Variants in CADM4 observed in about 807,000 individuals in gnomAD.
The protein encoded by CADM4 is cell adhesion molecule 4, also known as TSLC1-like 2.
CADM4 carries 13 observed loss-of-function variants against 43.9 expected under a neutral mutation model. The ratio of observed to expected loss-of-function variants is 0.30; its 90% CI spans 0.19 to 0.47. The LOEUF is 0.47. Among genes scored for constraint, CADM4 ranks in the 20% least tolerant of loss-of-function variants. The probability of loss-of-function intolerance (pLI) is 1.00; values close to 1 mark genes in which losing one functional copy is unlikely to be tolerated. For synonymous variants in CADM4, 209 were observed against 220.9 expected (o/e 0.95, Z 0.48); for missense variants, 420 against 527.0 (o/e 0.80, Z 1.99).
At chr19:43,639,118 T>G (rs1973738032) in intron 1 of CADM4, among the ~76,000 whole-genome samples, 1 of 142,928 alleles carries the variant, frequency 7.0e-6, no homozygotes, top group Non-Finnish European at 1.5e-5. Flanking sequence ...AAAACAAGGG[T>G]GACAGCGAGA....
In CADM4 at chr19:43,626,067, G is replaced by A. The variant is rs1973520696; in HGVS notation, c.664+57C>T. On this transcript the variant is annotated intron_variant, in intron 5 of 8. Transcript: ENST00000222374. The surrounding 1 kb of genome is among the most constrained non-coding windows in gnomAD (Gnocchi z 5.9). ...ATCACGCAGGACAAGGGGGACCCTC[G>A]CGGGTGCGGGTGGCTGGCGTTGGGA... The A allele has an allele frequency of 6.2e-7, 1 of 1,611,700 alleles. No individual in the cohort carries two copies. The highest frequency in any genetic ancestry group is 1.3e-5 in the African/African-American group (1 of 74,856).
chr19:43,631,357 A>T (rs529375736), intron 1 of CADM4, among the ~76,000 whole-genome samples: 124 of 152,100 alleles, frequency 8.2e-4, no homozygotes, highest in African/African-American at 2.9e-3. Flanking sequence ...GAAAAAAAAA[A>T]AAGAAATAAA....
chr19:43,633,664 C>CTCTTTCTCTCTCTCTT (rs1555777269), intron 1 of CADM4, among the ~76,000 whole-genome samples: 1 of 148,344 alleles, frequency 6.7e-6, no homozygotes, highest in Non-Finnish European at 1.5e-5. Context: ...CTTTCTCTCT[C>CTCTTTCTCTCTCTCTT]TCTTTCTTTC....
chr19:43,637,324 G>A (rs1050344693), intron 1 of CADM4, among the ~76,000 whole-genome samples: 2 of 152,104 alleles, frequency 1.3e-5, no homozygotes, highest in Admixed American at 6.6e-5. Context: ...CCTAAAATGT[G>A]GTAGCCAAGG....
At chr19:43,637,005 A>G (rs928071527) in intron 1 of CADM4, among the ~76,000 whole-genome samples, 1 of 151,932 alleles carries the variant, frequency 6.6e-6, no homozygotes. Context: ...TTTGTATTGG[A>G]TATCTGTTTC....
chr19:43,630,288 T>TC (rs1973601162), intron 1 of CADM4, among the ~76,000 whole-genome samples: 1 of 137,520 alleles, frequency 7.3e-6, no homozygotes, highest in African/African-American at 2.9e-5. Context: ...TTTCTTTTTT[T>TC]TTTTTTTTTT....
upstream of CADM4, among the ~76,000 whole-genome samples, chr19:43,641,698 AC>A (rs1973772885): frequency 6.6e-6 from 1 of 152,120 alleles, no homozygotes; most frequent in African/African-American, 2.4e-5. Flanking sequence ...GCCCTGAGCA[AC>A]TTCCTTCTTT....
intron 1 of CADM4, among the ~76,000 whole-genome samples, chr19:43,634,115 C>A (rs950734459): frequency 3.3e-5 from 5 of 152,292 alleles, no homozygotes; most frequent in Admixed American, 2.6e-4. Context: ...AGTGACCTTA[C>A]CTTTCGGAGC....
At position 43,625,382 on chromosome 19, in the gene CADM4, T is replaced by C; in HGVS notation, c.756-132A>G. Reference sequence around the variant, plus strand: ...AATAAGAGGCTTCCTGCTATCTCTTTCCTTTCTGGAAAACCAACAGTCCTG... The same window carrying C: ...AATAAGAGGCTTCCTGCTATCTCTTCCCTTTCTGGAAAACCAACAGTCCTG... On this transcript the variant is annotated intron_variant, in intron 6 of 8. Coordinates refer to ENST00000222374, the MANE Select transcript of CADM4 (RefSeq NM_145296.2). The surrounding 1 kb of genome is among the most constrained non-coding windows in gnomAD (Gnocchi z 4.5). 1.1e-6 allele frequency: 1 copy of C among 922,632 alleles called. No homozygotes were observed. Among genetic ancestry groups the C allele is most frequent in the Non-Finnish European group, 1.6e-6 (1 of 633,120 alleles). The allele number at this position is 922,632 out of a possible 1,614,324, so 57.2% of individuals were successfully genotyped here.
chr19:43,633,037 AC>A (rs2146152648), intron 1 of CADM4, among the ~76,000 whole-genome samples: 1 of 143,064 alleles, frequency 7.0e-6, no homozygotes, highest in East Asian at 2.3e-4. Flanking sequence ...GAGCCACTGC[AC>A]CCCAACCTGG....
At chr19:43,630,281 C>CTTTTTTTTTTTTTTTTT (rs59489315) in intron 1 of CADM4, among the ~76,000 whole-genome samples, 2 of 73,430 alleles carry the variant, frequency 2.7e-5, no homozygotes, top group African/African-American at 6.0e-5. Flanking sequence ...TTTTTCTTTT[C>CTTTTTTTTTTTTTTTTT]TTTTTTTTTT....
At position 43,625,797 on chromosome 19, in the gene CADM4, T is replaced by C. The variant is rs1382527288; in HGVS notation, c.755+114A>G. On this transcript the variant is annotated intron_variant, in intron 6 of 8. Coordinates refer to ENST00000222374, the MANE Select transcript of CADM4 (RefSeq NM_145296.2). The surrounding 1 kb of genome is among the most constrained non-coding windows in gnomAD (Gnocchi z 4.5). ...AATCCAGGTCCTAGCTCCCTGTTTG[T>C]CCAGGTCCTCAGCTCTCTCCTCCTT... is the stretch of plus-strand genomic sequence containing the variant. 11 of 837,868 alleles carry C rather than the reference T, an allele frequency of 1.3e-5. No homozygotes were observed. The highest frequency in any genetic ancestry group is 3.6e-4 in the Middle Eastern group (1 of 2,750). 51.9% of individuals were successfully genotyped at this position (837,868 alleles called of 1,614,324 possible). A position where few individuals can be genotyped will look rare whatever the true frequency, so the allele number is the denominator to read the frequency against.
intron 1 of CADM4, among the ~76,000 whole-genome samples, chr19:43,631,488 A>G (rs747705391): frequency 3.9e-5 from 6 of 152,136 alleles, no homozygotes; most frequent in Non-Finnish European, 7.3e-5. Context: ...TCTGACATCC[A>G]TTTTTCCCTT....
At position 43,633,830 on chromosome 19, in the gene CADM4, G is replaced by A. The variant is rs2079646; in HGVS notation, c.64+5897C>T. ...CAAATAGCTAAGACTACAGAGGTGC[G>A]TAGCTATGCCCAGCTAATTAAAAAA... is the stretch of plus-strand genomic sequence containing the variant. On this transcript the variant is annotated intron_variant, in intron 1 of 8. Coordinates refer to ENST00000222374, the MANE Select transcript of CADM4 (RefSeq NM_145296.2). Among the ~76,000 whole-genome samples the A allele has an allele frequency of 4.0e-5, 6 of 150,448 alleles. No individual in the cohort carries two copies. In the South Asian group the frequency reaches 6.3e-4, roughly 16 times the overall value.
chr19:43,629,172 T>A (rs1973579490), intron 1 of CADM4, among the ~76,000 whole-genome samples: 1 of 152,142 alleles, frequency 6.6e-6, no homozygotes. Flanking sequence ...CCCATCTCCC[T>A]CATAATCCTT....
In CADM4 at chr19:43,623,190, C is replaced by A; in HGVS notation, c.*140G>T. 1.5e-6 allele frequency: 1 copy of A among 678,168 alleles called. No homozygotes were observed. The highest frequency in any genetic ancestry group is 1.6e-5 in the South Asian group (1 of 61,326). The allele number at this position is 678,168 out of a possible 1,614,324, so 42.0% of individuals were successfully genotyped here. A position where few individuals can be genotyped will look rare whatever the true frequency, so the allele number is the denominator to read the frequency against. On this transcript the variant is annotated 3_prime_UTR_variant, in exon 9 of 9. Coordinates refer to ENST00000222374, the MANE Select transcript of CADM4 (RefSeq NM_145296.2). The surrounding 1 kb of genome is among the most constrained non-coding windows in gnomAD (Gnocchi z 4.4). ...CAGGCATCCAACACCCCCATCCCTG[C>A]CCAAGCGTCTGAGGTGTTAGTGGTG... is the stretch of plus-strand genomic sequence containing the variant.
At position 43,625,109 on chromosome 19, in the gene CADM4, A is replaced by G; in HGVS notation, c.897T>C (p.His299=). 6.7e-7 allele frequency: 1 copy of G among 1,498,734 alleles called. No individual in the cohort carries two copies. The highest frequency in any genetic ancestry group is 1.8e-4 in the Middle Eastern group (1 of 5,422). 92.8% of individuals were successfully genotyped at this position (1,498,734 alleles called of 1,614,324 possible). A position where few individuals can be genotyped will look rare whatever the true frequency, so the allele number is the denominator to read the frequency against. Residue 299 remains histidine (H), a synonymous_variant, in exon 7 of 9, where the codon CAT becomes CAC. Transcript: ENST00000222374. This position sits in a 1 kb window ranked among gnomAD's most constrained non-coding sequence, Gnocchi z 4.5. ...YTCEASNKHG[H]ARALYVLVVY... ...CCACAAGTACGTAGAGCGCCCTCGCATGGCCGTGCTTATTGGACGCCTCGC... is the reference window on the plus strand; with the variant it reads ...CCACAAGTACGTAGAGCGCCCTCGCGTGGCCGTGCTTATTGGACGCCTCGC...
At chr19:43,633,226 A>G (rs1176026734) in intron 1 of CADM4, among the ~76,000 whole-genome samples, 1 of 151,866 alleles carries the variant, frequency 6.6e-6, no homozygotes. Context: ...GGCTCCTCCC[A>G]CCACACCTGG....
chr19:43,626,239 T>C lies in CADM4; in HGVS notation c.549A>G (p.Thr183=), dbSNP rs1222437244. The change falls in exon 5 of 9, where the codon ACA becomes ACG. Residue 183 remains threonine (T), a synonymous_variant. Coordinates refer to ENST00000222374, the MANE Select transcript of CADM4 (RefSeq NM_145296.2). The surrounding 1 kb of genome is among the most constrained non-coding windows in gnomAD (Gnocchi z 5.9). ...CCTTACGGTCCACACGAAACCGTAC[T>C]GTGCTTGCCACGCTCCAGACCTTGC... ...ENGKVWSVAS[T]VRFRVDRKDD... is the part of the protein sequence containing the mutation. 4.3e-6 allele frequency: 7 copies of C among 1,613,286 alleles called. No homozygotes were observed. In the East Asian group the frequency reaches 1.1e-4, roughly 26 times the overall value.
Sources: gnomAD v4.1 joint callset for allele counts (sites outside exome capture counted in the v4.1 genomes callset) on GRCh38, gnomAD v4.1.1 for gene constraint, Gnocchi (gnomAD v3.1) non-coding constraint, MANE v1.5 for transcripts, NCBI Gene and HGNC (gene_info 2026-07-23, HGNC 2026-07-21) for gene names.